Variants in PCDH15 observed in about 807,000 individuals in gnomAD.
PCDH15 encodes protocadherin related 15.
Under a neutral mutation model 178.5 loss-of-function variants are expected in PCDH15, and 129 were observed. That is an observed-to-expected ratio of 0.72 (90% confidence interval 0.63 to 0.84). The LOEUF is 0.84. PCDH15 is among the 40% of genes least tolerant of loss of function. The pLI is 0.00. For synonymous variants in PCDH15, 800 were observed against 732.0 expected, an observed-to-expected ratio of 1.09 and a Z score of -1.50; for missense variants, 2,230 against 2,099.9, an observed-to-expected ratio of 1.06 and a Z score of -1.21.
intron 2 of PCDH15, among the ~76,000 whole-genome samples, chr10:54,900,195 T>A (rs1331978357): frequency 6.6e-6 from 1 of 152,198 alleles, no homozygotes; most frequent in Non-Finnish European, 1.5e-5. Context: ...AACACATTTT[T>A]AAAAGTCTTT....
chr10:55,411,410 T>G (rs981820403), intron 2 of PCDH15, among the ~76,000 whole-genome samples: 2 of 152,120 alleles, frequency 1.3e-5, no homozygotes, highest in African/African-American at 4.8e-5. Flanking sequence ...CCATGTTTCT[T>G]TTAGTAATAA....
rs986476786 is a variant in PCDH15, at chr10:55,173,341, G to GTGTGTGTGTT, written c.-155-6691_-155-6690insAACACACACA. ...TGTGTGTGTGTGTGTGTGTGTGTGTGTGTGTATGTGTATGTAGAAGGATGG... is the reference window on the plus strand; with the variant it reads ...TGTGTGTGTGTGTGTGTGTGTGTGTGTGTGTGTGTTTGTGTATGTGTATGTAGAAGGATGG... On this transcript the variant is annotated intron_variant, in intron 1 of 5. Coordinates refer to the PCDH15 transcript ENST00000458638. Among the ~76,000 whole-genome samples the GTGTGTGTGTT allele has an allele frequency of 1.6e-4, 24 of 145,924 alleles. 1 individual carries two copies. The highest frequency in any genetic ancestry group is 1.5e-5 in the Non-Finnish European group (1 of 66,672).
intron 2 of PCDH15, among the ~76,000 whole-genome samples, chr10:55,384,796 T>G (rs1837612513): frequency 6.6e-6 from 1 of 152,298 alleles, no homozygotes; most frequent in African/African-American, 2.4e-5. Context: ...ATTCTTTCTT[T>G]ACTGTAATAA....
intron 1 of PCDH15, among the ~76,000 whole-genome samples, chr10:55,218,749 C>A (rs1192127896): frequency 6.6e-6 from 1 of 151,944 alleles, no homozygotes; most frequent in Non-Finnish European, 1.5e-5. Context: ...CTTTGCTGAG[C>A]CTCTCTGAAA....
intron 2 of PCDH15, among the ~76,000 whole-genome samples, chr10:55,120,098 G>T (rs1837727777): frequency 6.6e-6 from 1 of 151,972 alleles, no homozygotes. Flanking sequence ...AAAGATGGTG[G>T]CTTAACTGAA....
At position 54,370,968 on chromosome 10, in the gene PCDH15, C is replaced by A. The variant is rs1473235380; in HGVS notation, c.319-1693G>T. Among the ~76,000 whole-genome samples the A allele has an allele frequency of 3.3e-5, 5 of 151,788 alleles. No individual in the cohort carries two copies. The Admixed American group carries it at 3.3e-4, about 10-fold the overall frequency. Reference sequence around the variant, plus strand: ...GCATCATTGACATACGAAAAGAGGTCTCTAGTGAAATCACACATAGCTCTG... The same window carrying A: ...GCATCATTGACATACGAAAAGAGGTATCTAGTGAAATCACACATAGCTCTG... On this transcript the variant is annotated intron_variant, in intron 4 of 37. Transcript: ENST00000644397.
intron 1 of PCDH15, among the ~76,000 whole-genome samples, chr10:54,674,282 T>C (rs1251740136): frequency 6.6e-6 from 1 of 152,170 alleles, no homozygotes; most frequent in African/African-American, 2.4e-5. Context: ...TAATGGTGAA[T>C]ATTTTTTGAG....
chr10:54,296,585 C>T (rs572300638), intron 8 of PCDH15, among the ~76,000 whole-genome samples: 2 of 152,070 alleles, frequency 1.3e-5, no homozygotes, highest in African/African-American at 2.4e-5. Context: ...CTAGCATAAA[C>T]TTTAGGACTC....
chr10:54,701,182 C>A (rs1438621600), intron 1 of PCDH15, among the ~76,000 whole-genome samples: 3 of 151,998 alleles, frequency 2.0e-5, no homozygotes, highest in Non-Finnish European at 4.4e-5. Flanking sequence ...CTAATTCCAA[C>A]CAAAAATTTC....
rs73263392 is a variant in PCDH15 at position 55,607,961 on chromosome 10, A to T, written c.-156+19664T>A. Among the ~76,000 whole-genome samples the T allele has an allele frequency of 6.5e-3, 984 of 152,070 alleles. 14 individuals are homozygous for T. Among genetic ancestry groups the T allele is most frequent in the African/African-American group, 0.022 (933 of 41,472 alleles). On this transcript the variant is annotated intron_variant, in intron 2 of 5. Transcript: ENST00000613346. Reference sequence around the variant, plus strand: ...AGAGAGAAAGAGAGAGAGAATATTTAATGTTATTTTATACTTTATAATTTG... The same window carrying T: ...AGAGAGAAAGAGAGAGAGAATATTTTATGTTATTTTATACTTTATAATTTG...
intron 2 of PCDH15, among the ~76,000 whole-genome samples, chr10:55,414,052 T>C (rs529898150): frequency 4.4e-4 from 67 of 151,724 alleles, no homozygotes; most frequent in African/African-American, 1.5e-3. Flanking sequence ...TTATCCCTAA[T>C]AATATATTTT....
intron 13 of PCDH15, among the ~76,000 whole-genome samples, chr10:54,156,918 A>G (rs2045214343): frequency 6.6e-6 from 1 of 152,228 alleles, no homozygotes. Flanking sequence ...GTCAAATATT[A>G]AAGCTCCAAA....
chr10:55,042,779 A>G (rs1840899855), intron 2 of PCDH15, among the ~76,000 whole-genome samples: 1 of 152,148 alleles, frequency 6.6e-6, no homozygotes, highest in Admixed American at 6.5e-5. Context: ...GAGGCCGCCT[A>G]TTTTTTGACA....
At chr10:53,990,679 G>A (rs996185265) in intron 21 of PCDH15, among the ~76,000 whole-genome samples, 15 of 152,014 alleles carry the variant, frequency 9.9e-5, no homozygotes, top group South Asian at 4.2e-4. Flanking sequence ...TGCTCTCAGC[G>A]CCTCCTCGGA....
At chr10:55,016,809 A>C (rs2131949523) in intron 2 of PCDH15, among the ~76,000 whole-genome samples, 1 of 152,138 alleles carries the variant, frequency 6.6e-6, no homozygotes, top group African/African-American at 2.4e-5. Context: ...CCAGTAACAT[A>C]CCTTTTATTG....
intron 28 of PCDH15, among the ~76,000 whole-genome samples, chr10:53,846,051 A>AC (rs1564598575): frequency 1.0e-5 from 1 of 100,344 alleles, no homozygotes. Flanking sequence ...CACACACACA[A>AC]ACAAAAAAAG....
intron 3 of PCDH15, among the ~76,000 whole-genome samples, chr10:54,487,648 C>G (rs2079205694): frequency 6.6e-6 from 1 of 151,956 alleles, no homozygotes; most frequent in Non-Finnish European, 1.5e-5. Context: ...CTCTATAGAT[C>G]TATCCGTACA....
chr10:55,397,007 G>T (rs1483086704), intron 2 of PCDH15, among the ~76,000 whole-genome samples: 1 of 152,170 alleles, frequency 6.6e-6, no homozygotes, highest in Non-Finnish European at 1.5e-5. Flanking sequence ...GAATGTTTCA[G>T]TATTGTGGGG....
chr10:53,837,889 G>A (rs924577850), intron 29 of PCDH15, among the ~76,000 whole-genome samples: 2 of 151,874 alleles, frequency 1.3e-5, no homozygotes, highest in African/African-American at 4.8e-5. Flanking sequence ...ACTTCAAGGT[G>A]AAGACTGCTA....
Sources: allele counts gnomAD v4.1 joint callset (sites outside exome capture counted in the v4.1 genomes callset), GRCh38; gene constraint gnomAD v4.1.1; transcripts MANE v1.5; gene names NCBI Gene and HGNC (gene_info 2026-07-23, HGNC 2026-07-21).